The following SPAG16 variants were observed in gnomAD, a reference collection of about 807,000 sequenced individuals.
SPAG16 encodes the protein sperm associated antigen 16, also known as sperm-associated antigen 16 protein.
A neutral mutation model predicts 80.4 loss-of-function variants in SPAG16; 86 were observed. The ratio of observed to expected loss-of-function variants is 1.07; its 90% CI spans 0.90 to 1.28. SPAG16 has a LOEUF of 1.28. SPAG16 is among the 50% of genes most tolerant of loss of function. The pLI, the probability that SPAG16 is intolerant of heterozygous loss-of-function variation, is 0.00. For missense variants in SPAG16, 870 were observed against 765.3 expected, an observed-to-expected ratio of 1.14 and a Z score of -1.61; for synonymous variants, 294 against 265.9, an observed-to-expected ratio of 1.11 and a Z score of -1.03.
At chr2:213,365,846 T>A (rs189473910) in intron 8 of SPAG16, among the ~76,000 whole-genome samples, 128 of 151,824 alleles carry the variant, frequency 8.4e-4, no homozygotes, top group Admixed American at 8.4e-3. Context: ...GCATCTAGTC[T>A]AAAGAAGAAA....
At chr2:214,236,384 G>A (rs1689077263) in intron 15 of SPAG16, among the ~76,000 whole-genome samples, 1 of 152,188 alleles carries the variant, frequency 6.6e-6, no homozygotes, top group African/African-American at 2.4e-5. Flanking sequence ...CAGGCTTGGT[G>A]GCTCACGCCA....
At chr2:214,177,971 GTATATATATA>G (rs34460783) in intron 15 of SPAG16, among the ~76,000 whole-genome samples, 3,691 of 58,728 alleles carry the variant, frequency 0.063, 99 homozygotes, top group East Asian at 0.12. Flanking sequence ...CAAAGTGTAT[GTATATATATA>G]TATATATATA....
intron 15 of SPAG16, among the ~76,000 whole-genome samples, chr2:214,336,483 G>T (rs187884616): frequency 3.4e-4 from 51 of 152,174 alleles, no homozygotes; most frequent in African/African-American, 1.2e-3. Context: ...TTGGAGATTA[G>T]AAAAATAGGT....
rs1228872341 is a variant in SPAG16 at position 213,288,943 on chromosome 2, AGACT to A, written c.136+4325_136+4328del. Among the ~76,000 whole-genome samples the A allele has an allele frequency of 4.6e-5, 7 of 152,310 alleles. No individual in the cohort carries two copies. The East Asian group carries it at 1.4e-3, about 29-fold the overall frequency. On this transcript the variant is annotated intron_variant, in intron 1 of 15. Transcript: ENST00000331683. ...AAGGATACACAACCTGCATATAGACAGACTAAGAACTATGTTACTAAATCCAGAG... is the reference window on the plus strand; with the variant it reads ...AAGGATACACAACCTGCATATAGACAAAGAACTATGTTACTAAATCCAGAG...
rs77823049 is a variant in SPAG16, at chr2:213,721,924, C to T, written c.1071-140561C>T. Among the ~76,000 whole-genome samples, 1,244 of 151,928 alleles carry T rather than the reference C, an allele frequency of 8.2e-3. 12 individuals are homozygous for T. The highest frequency in any genetic ancestry group is 0.02 in the Middle Eastern group (6 of 294). ...TTATGCATTTAAGCGTGTGATTAAC[C>T]GACAATCATATTACAAGTGCTTTAT... On this transcript the variant is annotated intron_variant, in intron 10 of 15. Coordinates refer to ENST00000331683, the MANE Select transcript of SPAG16 (RefSeq NM_024532.5).
chr2:213,321,956 A>C (rs1168905365), intron 5 of SPAG16, among the ~76,000 whole-genome samples: 1 of 152,116 alleles, frequency 6.6e-6, no homozygotes, highest in Non-Finnish European at 1.5e-5. Context: ...CTAAAGTTGC[A>C]CTTAAAGCAG....
chr2:213,293,080 T>C (rs1430520925), intron 1 of SPAG16, among the ~76,000 whole-genome samples: 1 of 152,160 alleles, frequency 6.6e-6, no homozygotes, highest in Non-Finnish European at 1.5e-5. Flanking sequence ...TAGGGCCAGT[T>C]TCCCCCATGC....
intron 10 of SPAG16, among the ~76,000 whole-genome samples, chr2:213,817,208 G>A (rs907146219): frequency 1.5e-5 from 2 of 135,842 alleles, no homozygotes; most frequent in African/African-American, 5.5e-5. Flanking sequence ...TTTGTACAAA[G>A]CATGCATATA....
At chr2:213,302,622 G>GGTGTGTGTGTGTGT (rs778369117) in intron 3 of SPAG16, 41 of 64,934 alleles carry the variant, frequency 6.3e-4, no homozygotes, top group African/African-American at 1.6e-3. Flanking sequence ...GCTTGGAAGG[G>GGTGTGTGTGTGTGT]GTGTGTGTGT....
chr2:214,287,207 C>T (rs1693429787), intron 15 of SPAG16, among the ~76,000 whole-genome samples: 1 of 152,154 alleles, frequency 6.6e-6, no homozygotes, highest in Non-Finnish European at 1.5e-5. Context: ...GAAATGTTGA[C>T]ATTGAATGAT....
rs75508809 is a variant in SPAG16 at position 213,652,548 on chromosome 2, C to T, written c.1070+162458C>T. ...AAATCCAGTTTCTCTGCATCCCTTG[C>T]GAGCATTTCATATTGTCTATATTGT... On this transcript the variant is annotated intron_variant, in intron 10 of 15. Transcript: ENST00000331683. Among the ~76,000 whole-genome samples, 201 of 152,130 alleles carry T rather than the reference C, an allele frequency of 1.3e-3. 1 individual carries two copies. Among genetic ancestry groups the T allele is most frequent in the African/African-American group, 4.4e-3 (184 of 41,536 alleles).
rs192597258 is a variant in SPAG16, at chr2:214,184,351, A to C, written c.1720+35085A>C. Among the ~76,000 whole-genome samples, 7 of 152,198 alleles carry C rather than the reference A, an allele frequency of 4.6e-5. No individual in the cohort carries two copies. In the East Asian group the frequency reaches 1.4e-3, roughly 29 times the overall value. On this transcript the variant is annotated intron_variant, in intron 15 of 15. Coordinates refer to ENST00000331683, the MANE Select transcript of SPAG16 (RefSeq NM_024532.5). ...AAGCTTTTCAAGCTTTATTAGTAAT[A>C]CTAACAGCCACTCATCCCAACTATA...
At chr2:213,334,598 A>G (rs1001150760) in intron 5 of SPAG16, among the ~76,000 whole-genome samples, 2 of 152,222 alleles carry the variant, frequency 1.3e-5, no homozygotes, top group Admixed American at 6.5e-5. Context: ...AATGTAGTAC[A>G]TATATGTAAT....
At chr2:213,929,818 A>C in intron 11 of SPAG16, 142 bp from the exon 12 acceptor site, 1 of 658,002 alleles carries the variant, frequency 1.5e-6, no homozygotes, top group Non-Finnish European at 2.5e-6. Context: ...TAAGATAATA[A>C]TATTTAGTCA....
chr2:213,458,334 G>A (rs540671895), intron 9 of SPAG16, among the ~76,000 whole-genome samples: 21 of 152,030 alleles, frequency 1.4e-4, no homozygotes, highest in South Asian at 4.2e-4. Context: ...TTGGTAGGTC[G>A]AGGCAGGCAG....
chr2:213,447,770 A>G (rs984444878), intron 9 of SPAG16, among the ~76,000 whole-genome samples: 2 of 152,244 alleles, frequency 1.3e-5, no homozygotes, highest in African/African-American at 4.8e-5. Context: ...AAACTGTCCA[A>G]TGCATTAATT....
chr2:213,803,749 A>C (rs558427318), intron 10 of SPAG16, among the ~76,000 whole-genome samples: 10 of 152,256 alleles, frequency 6.6e-5, no homozygotes, highest in African/African-American at 2.4e-4. Context: ...ATGTATGTAT[A>C]TATTTAGAGG....
At chr2:213,824,931 A>T (rs112097808) in intron 10 of SPAG16, among the ~76,000 whole-genome samples, 1 of 151,734 alleles carries the variant, frequency 6.6e-6, no homozygotes, top group South Asian at 2.1e-4. Flanking sequence ...TTTTCATTGT[A>T]TATGTTTCAC....
chr2:214,140,934 G>T (rs2055318449), intron 14 of SPAG16, among the ~76,000 whole-genome samples: 1 of 34 alleles, frequency 0.029, no homozygotes, highest in Non-Finnish European at 0.17. Context: ...TCCCATTGGT[G>T]GGGGGGGGGG....
Sources: gnomAD v4.1 joint callset for allele counts (sites outside exome capture counted in the v4.1 genomes callset) on GRCh38, gnomAD v4.1.1 for gene constraint, MANE v1.5 for transcripts, NCBI Gene and HGNC (gene_info 2026-07-23, HGNC 2026-07-21) for gene names.